AKAP9: variants seen among roughly 807,000 people sequenced by gnomAD.
AKAP9 encodes the protein A-kinase anchoring protein 9.
A neutral mutation model predicts 488.5 loss-of-function variants in AKAP9; 311 were observed. That is an observed-to-expected ratio of 0.64 (90% CI 0.58 to 0.70). The LOEUF (loss-of-function observed/expected upper bound fraction) is 0.70. Among genes scored for constraint, AKAP9 ranks in the 30% least tolerant of loss-of-function variants. AKAP9 has a pLI of 0.00. For missense variants in AKAP9, 4,215 were observed against 4,374.5 expected (o/e 0.96, Z 1.03); for synonymous variants, 1,462 against 1,483.5 (o/e 0.99, Z 0.33).
At chr7:92,044,505 A>G (rs1806632554) in intron 20 of AKAP9, among the ~76,000 whole-genome samples, 1 of 152,206 alleles carries the variant, frequency 6.6e-6, no homozygotes, top group Non-Finnish European at 1.5e-5. Flanking sequence ...AACTTGTACA[A>G]ATACTACCAC....
intron 22 of AKAP9, among the ~76,000 whole-genome samples, chr7:92,059,325 G>A (rs1239210169): frequency 6.6e-6 from 1 of 151,836 alleles, no homozygotes; most frequent in East Asian, 1.9e-4. Flanking sequence ...TAAATATTAA[G>A]TATTTAATGA....
intron 9 of AKAP9, among the ~76,000 whole-genome samples, chr7:92,013,915 T>C (rs1450848855): frequency 2.0e-5 from 3 of 151,236 alleles, no homozygotes; most frequent in Admixed American, 6.6e-5. Flanking sequence ...GACATTGGAG[T>C]ACATGGCACT....
At position 92,102,691 on chromosome 7, in the gene AKAP9, G is replaced by A. The variant is rs752031242; in HGVS notation, c.11195G>A (p.Cys3732Tyr). ...CTGTTACTGGGTGGGTTCCAGGAAT[G>A]TGAAGATGCCACCTTGGCCCTGCTT... The part of the protein sequence containing the change: ...LLLLLGGFQE[C>Y]EDATLALLAR... Residue 3732 changes from cysteine to tyrosine, a missense_variant, in exon 46 of 50, where the codon TGT becomes TAT. Cys to Tyr is a radical substitution (Grantham distance 194, BLOSUM62 -2). This residue lies in a region of AKAP9 where 253 missense variants were observed against 266.8 expected (regional missense o/e 0.95). Transcript: ENST00000356239. 8 of 1,614,112 alleles carry A rather than the reference G, an allele frequency of 5.0e-6. No individual in the cohort carries two copies. The highest frequency in any genetic ancestry group is 6.8e-6 in the Non-Finnish European group (8 of 1,180,058).
At chr7:91,992,334 G>A (rs996305741) in intron 4 of AKAP9, 123 bp downstream of exon 4, 5 of 821,674 alleles carry the variant, frequency 6.1e-6, no homozygotes, top group Non-Finnish European at 1.0e-5. Context: ...TAATTTTAAT[G>A]TTTACTAAAA....
intron 3 of AKAP9, among the ~76,000 whole-genome samples, chr7:91,989,700 C>A (rs1314143525): frequency 6.6e-6 from 1 of 151,968 alleles, no homozygotes; most frequent in Non-Finnish European, 1.5e-5. Context: ...GACTGCAACT[C>A]CATAAGTCAT....
Position 92,038,535 on chromosome 7 carries a change from A to T in AKAP9, c.4455A>T (p.Gln1485His). The change falls in exon 17 of 50, where the codon CAA (glutamine) becomes CAT (histidine). Residue 1485 changes from glutamine to histidine, a missense_variant. By Grantham distance (24) the Gln-to-His change is conservative (BLOSUM62 0). Transcript: ENST00000356239. The part of the protein sequence containing the change: ...KQAHAVCQQE[Q>H]HYFNEMKLSQ... ...CACATGCTGTGTGTCAGCAAGAACAACATTATTTTAATGAAATGAAATTAT... is the reference window on the plus strand; with the variant it reads ...CACATGCTGTGTGTCAGCAAGAACATCATTATTTTAATGAAATGAAATTAT... The T allele has an allele frequency of 6.2e-7, 1 of 1,613,868 alleles. No individual in the cohort carries two copies. The highest frequency in any genetic ancestry group is 8.5e-7 in the Non-Finnish European group (1 of 1,179,842).
At chr7:92,070,825 A>AAT (rs1811606198) in intron 27 of AKAP9, 80 bp from the exon 28 acceptor site, 2 of 898,514 alleles carry the variant, frequency 2.2e-6, no homozygotes, top group Non-Finnish European at 3.4e-6. Context: ...AAAAAAAAAA[A>AAT]GCAGACCAAA....
chr7:92,023,406 C>T (rs913651431), intron 14 of AKAP9, among the ~76,000 whole-genome samples: 1 of 152,176 alleles, frequency 6.6e-6, no homozygotes, highest in African/African-American at 2.4e-5. Flanking sequence ...TTTGTTGTCT[C>T]ATGTTCAAAT....
intron 14 of AKAP9, among the ~76,000 whole-genome samples, chr7:92,026,490 A>C (rs1803165757): frequency 6.6e-6 from 1 of 151,736 alleles, no homozygotes; most frequent in Non-Finnish European, 1.5e-5. Context: ...ACGCGCCGCC[A>C]CGCCTGACTG....
At chr7:92,057,091 T>G (rs1421793355) in intron 22 of AKAP9, among the ~76,000 whole-genome samples, 3 of 152,036 alleles carry the variant, frequency 2.0e-5, no homozygotes, top group African/African-American at 4.8e-5. Flanking sequence ...ATACCTTAAG[T>G]GGTATAGTTT....
chr7:91,963,504 A>T (rs1355285624), intron 1 of AKAP9, among the ~76,000 whole-genome samples: 1 of 150,946 alleles, frequency 6.6e-6, no homozygotes, highest in African/African-American at 2.5e-5. Flanking sequence ...ACACACACAC[A>T]CACACACACA....
intron 16 of AKAP9, among the ~76,000 whole-genome samples, chr7:92,035,587 T>C (rs2130769138): frequency 6.6e-6 from 1 of 152,354 alleles, no homozygotes; most frequent in African/African-American, 2.4e-5. Context: ...TTGTATGCTC[T>C]GGATGTCATT....
Position 92,022,232 on chromosome 7 carries a change from C to T in AKAP9, c.3838-6C>T. On this transcript the variant is annotated splice_region_variant and splice_polypyrimidine_tract_variant and intron_variant, in intron 12 of 49. Transcript: ENST00000356239. ...GTTACTGCTTTTATTCTGTGGTTTT[C>T]AATAGATCTGGGGACAGCAGACAGA... is the stretch of plus-strand genomic sequence containing the variant. The T allele has an allele frequency of 1.3e-6, 2 of 1,591,118 alleles. No homozygotes were observed. The highest frequency in any genetic ancestry group is 2.2e-5 in the South Asian group (2 of 90,578).
Position 91,973,964 on chromosome 7 carries a change from T to A in AKAP9, c.302T>A (p.Val101Glu). ...EITSHEQGFS[V>E]ELESEISTTA... ...ACCAGTCATGAGCAGGGCTTCTCTG[T>A]GGAAGTAAGTATTCTCCCAGATTTT... The change falls in exon 2 of 50, where the codon GTG becomes GAG. Residue 101 changes from valine (V) to glutamate (E), a missense_variant. Val to Glu is a moderately radical substitution (Grantham distance 121). Transcript: ENST00000356239. 6.2e-7 allele frequency: 1 copy of A among 1,614,018 alleles called. No homozygotes were observed. The highest frequency in any genetic ancestry group is 8.5e-7 in the Non-Finnish European group (1 of 1,179,956).
chr7:92,077,096 CTTTT>C (rs36053963), intron 29 of AKAP9, 89 bp downstream of exon 29: 66 of 257,312 alleles, frequency 2.6e-4, no homozygotes, highest in East Asian at 5.1e-4. Flanking sequence ...TTATTTCTTT[CTTTT>C]TTTTTTTTTT....
At chr7:92,083,849 T>C (rs980711366) in intron 33 of AKAP9, among the ~76,000 whole-genome samples, 194 bp downstream of exon 33, 8 of 152,154 alleles carry the variant, frequency 5.3e-5, no homozygotes, top group African/African-American at 1.9e-4. Context: ...TTGTTATACT[T>C]TAAGTTCTGG....
chr7:92,061,456 G>A (rs763183164), intron 23 of AKAP9, 34 bp downstream of exon 23: 2 of 1,610,656 alleles, frequency 1.2e-6, no homozygotes, highest in East Asian at 4.5e-5. Context: ...TAAGGGTAGA[G>A]AAATTTCAGT....
At chr7:91,965,610 C>T (rs182634932) in intron 1 of AKAP9, among the ~76,000 whole-genome samples, 2 of 152,264 alleles carry the variant, frequency 1.3e-5, no homozygotes, top group Non-Finnish European at 2.9e-5. Context: ...ATCCTCCATA[C>T]AGTTTTCCAT....
rs1808213043 is a variant in AKAP9, at chr7:92,052,842, G to A, written c.5485G>A (p.Gly1829Ser). The change falls in exon 22 of 50, where the codon GGT (glycine) becomes AGT (serine). Residue 1829 changes from glycine to serine, a missense_variant. By Grantham distance (56) the Gly-to-Ser change is moderately conservative. Coordinates refer to ENST00000356239, the MANE Select transcript of AKAP9 (RefSeq NM_005751.5). ...TELSQRLVRS[G>S]FAGTEIDPEN... ...GCTGTCACAACGACTTGTGAGGAGT[G>A]GTTTTGCTGGAACTGAAATAGACCC... The A allele has an allele frequency of 1.2e-6, 2 of 1,613,656 alleles. No homozygotes were observed. The highest frequency in any genetic ancestry group is 2.2e-5 in the East Asian group (1 of 44,858).
Sources: gnomAD v4.1 joint callset for allele counts (sites outside exome capture counted in the v4.1 genomes callset) on GRCh38, gnomAD v4.1.1 for gene constraint, gnomAD v4.1.1 regional missense constraint, MANE v1.5 for transcripts, NCBI Gene and HGNC (gene_info 2026-07-23, HGNC 2026-07-21) for gene names.